GALNT17: variants seen among roughly 807,000 people sequenced by gnomAD.
The protein encoded by GALNT17 is UDP-GalNAc:polypeptide N-acetylgalactosaminyltransferase-like 3.
A neutral mutation model predicts 63.7 loss-of-function variants in GALNT17; 29 were observed. The ratio of observed to expected loss-of-function variants is 0.46; its 90% CI spans 0.34 to 0.62. The LOEUF is 0.62. Among genes scored for constraint, GALNT17 ranks in the 20% least tolerant of loss-of-function variants. The pLI is 0.01. For synonymous variants in GALNT17, 305 were observed against 318.3 expected, an observed-to-expected ratio of 0.96 and a Z score of 0.45; for missense variants, 603 against 799.6, an observed-to-expected ratio of 0.75 and a Z score of 2.97.
chr7:71,264,012 C>T (rs1233573314), intron 1 of GALNT17, among the ~76,000 whole-genome samples: 1 of 152,180 alleles, frequency 6.6e-6, no homozygotes, highest in East Asian at 1.9e-4. Context: ...TGGCATCTTC[C>T]TAGGTGATAC....
intron 5 of GALNT17, among the ~76,000 whole-genome samples, chr7:71,548,088 TA>T: frequency 6.6e-6 from 1 of 151,246 alleles, no homozygotes; most frequent in East Asian, 1.9e-4. Context: ...TTTTTTTTTT[TA>T]AAAATTAGCT....
intron 4 of GALNT17, 149 bp downstream of exon 4, chr7:71,416,212 T>C: frequency 1.0e-6 from 1 of 999,178 alleles, no homozygotes; most frequent in Non-Finnish European, 1.4e-6. Flanking sequence ...GTGAGACCAT[T>C]GTCTGGGATA....
chr7:71,508,920 G>A (rs1380755765), intron 5 of GALNT17, among the ~76,000 whole-genome samples: 1 of 152,146 alleles, frequency 6.6e-6, no homozygotes, highest in Non-Finnish European at 1.5e-5. Context: ...GCGCTCGTGT[G>A]CATGTGTCTG....
At chr7:71,664,724 G>A (rs185610046) in intron 6 of GALNT17, among the ~76,000 whole-genome samples, 26 of 152,306 alleles carry the variant, frequency 1.7e-4, no homozygotes, top group African/African-American at 5.5e-4. Context: ...TTGGCAGGGC[G>A]CAGCTTCAGC....
intron 5 of GALNT17, among the ~76,000 whole-genome samples, chr7:71,477,764 G>C (rs1228282377): frequency 6.6e-6 from 1 of 152,172 alleles, no homozygotes; most frequent in African/African-American, 2.4e-5. Context: ...ATTAACAGAT[G>C]TGGTCACTAA....
chr7:71,691,651 T>C (rs1018706232), intron 9 of GALNT17, among the ~76,000 whole-genome samples: 1 of 152,160 alleles, frequency 6.6e-6, no homozygotes, highest in Non-Finnish European at 1.5e-5. Context: ...TTTTGTGTCT[T>C]CCGGGAAGTT....
In GALNT17 at chr7:71,611,318, G is replaced by A. The variant is rs139188720; in HGVS notation, c.1080+39916G>A. On this transcript the variant is annotated intron_variant, in intron 6 of 10. Transcript: ENST00000333538. ...GGTGGGCACTCAAGGCCCATTCCAC[G>A]TGGACCCCATCCAACTCACTGGATT... is the stretch of plus-strand genomic sequence containing the variant. Among the ~76,000 whole-genome samples the A allele has an allele frequency of 2.5e-3, 381 of 152,208 alleles. 3 individuals carry two copies. The highest frequency in any genetic ancestry group is 8.9e-3 in the African/African-American group (368 of 41,538).
intron 1 of GALNT17, among the ~76,000 whole-genome samples, chr7:71,280,049 T>G (rs1350551441): frequency 6.6e-6 from 1 of 152,198 alleles, no homozygotes; most frequent in Non-Finnish European, 1.5e-5. Context: ...TCTGGGTTAC[T>G]GGGTTATATG....
At chr7:71,617,875 G>A (rs1307848546) in intron 6 of GALNT17, among the ~76,000 whole-genome samples, 1 of 151,840 alleles carries the variant, frequency 6.6e-6, no homozygotes, top group African/African-American at 2.4e-5. Context: ...CCAAACTCCT[G>A]ACCTCAGGCG....
chr7:71,603,618 C>T (rs992220536), intron 6 of GALNT17, among the ~76,000 whole-genome samples: 6 of 151,772 alleles, frequency 4.0e-5, no homozygotes, highest in South Asian at 2.1e-4. Context: ...AGGTACTATG[C>T]TAAGTGCATA....
chr7:71,151,752 G>A (rs767188603), intron 1 of GALNT17, among the ~76,000 whole-genome samples: 9 of 152,074 alleles, frequency 5.9e-5, no homozygotes, highest in Admixed American at 4.6e-4. Context: ...TGAGGGATAA[G>A]TATTGAAATA....
At chr7:71,219,148 T>C (rs1789537793) in intron 1 of GALNT17, among the ~76,000 whole-genome samples, 1 of 152,138 alleles carries the variant, frequency 6.6e-6, no homozygotes, top group South Asian at 2.1e-4. Context: ...AGGTAAACAC[T>C]ATTTTTGCTT....
chr7:71,604,644 TCTCA>T (rs750458883), intron 6 of GALNT17, among the ~76,000 whole-genome samples: 60 of 152,328 alleles, frequency 3.9e-4, no homozygotes, highest in Non-Finnish European at 6.6e-4. Flanking sequence ...CTATAATTTA[TCTCA>T]CTCAAGCTTT....
At chr7:71,285,373 TA>T (rs1790854735) in intron 1 of GALNT17, among the ~76,000 whole-genome samples, 1 of 152,236 alleles carries the variant, frequency 6.6e-6, no homozygotes, top group Non-Finnish European at 1.5e-5. Flanking sequence ...TTTAGCTTCA[TA>T]ACTCAATTTG....
chr7:71,167,579 G>A (rs909842905), intron 1 of GALNT17, among the ~76,000 whole-genome samples: 3 of 152,130 alleles, frequency 2.0e-5, no homozygotes, highest in Non-Finnish European at 2.9e-5. Flanking sequence ...CCTTCAGAGA[G>A]CTCAAGTGTT....
intron 2 of GALNT17, among the ~76,000 whole-genome samples, chr7:71,368,723 G>C (rs1583895454): frequency 6.6e-6 from 1 of 152,050 alleles, no homozygotes; most frequent in Non-Finnish European, 1.5e-5. Context: ...GCCCATAATT[G>C]ATGCTCAGTG....
chr7:71,608,916 A>T (rs1197931261), intron 6 of GALNT17, among the ~76,000 whole-genome samples: 2 of 151,068 alleles, frequency 1.3e-5, no homozygotes, highest in Admixed American at 6.6e-5. Context: ...GTAGCTGGGG[A>T]CTATAGGTGC....
rs549194261 is a variant in GALNT17, at chr7:71,595,247, C to T, written c.1080+23845C>T. The stretch of plus-strand genomic sequence containing the variant: ...GACCAGCCTGGACGACAAGGCAAGA[C>T]CCTGTCCATACAAAAAATAAAAATA... On this transcript the variant is annotated intron_variant, in intron 6 of 10. Coordinates refer to ENST00000333538, the MANE Select transcript of GALNT17 (RefSeq NM_022479.3). Among the ~76,000 whole-genome samples the T allele has an allele frequency of 1.1e-3, 171 of 152,146 alleles. 1 individual carries two copies. In the South Asian group the frequency reaches 0.017, roughly 15 times the overall value.
At chr7:71,452,112 G>A (rs12674074) in intron 5 of GALNT17, among the ~76,000 whole-genome samples, 23,200 of 151,902 alleles carry the variant, frequency 0.15, 1,827 homozygotes, top group Middle Eastern at 0.22. Context: ...TAAATAGGGC[G>A]CACACCTGTA....
Sources: allele counts gnomAD v4.1 joint callset (sites outside exome capture counted in the v4.1 genomes callset), GRCh38; gene constraint gnomAD v4.1.1; transcripts MANE v1.5; gene names NCBI Gene and HGNC (gene_info 2026-07-23, HGNC 2026-07-21).